TRERF1: variants seen among roughly 807,000 people sequenced by gnomAD.
TRERF1 encodes transcriptional-regulating factor 1.
Under a neutral mutation model 122.9 loss-of-function variants are expected in TRERF1, and 27 were observed. The observed-to-expected ratio is 0.22, with a 90% CI of 0.16 to 0.30. TRERF1 has a LOEUF of 0.30. Ranked by LOEUF, TRERF1 falls within the 10% of genes least tolerant of loss-of-function variation. The pLI is 1.00. For synonymous variants in TRERF1, 636 were observed against 641.7 expected, an observed-to-expected ratio of 0.99 and a Z score of 0.13; for missense variants, 1,248 against 1,560.3, an observed-to-expected ratio of 0.80 and a Z score of 3.37.
exon 18 of TRERF1, chr6:42,226,999 TC>T (rs752837258): frequency 1.3e-4 from 20 of 152,242 alleles, no homozygotes; most frequent in Non-Finnish European, 2.5e-4. Flanking sequence ...GATGGGTCAG[TC>T]TGACTCAGCT....
At chr6:42,317,077 T>C (rs1292704793) in intron 3 of TRERF1, among the ~76,000 whole-genome samples, 1 of 152,074 alleles carries the variant, frequency 6.6e-6, no homozygotes, top group Non-Finnish European at 1.5e-5. Context: ...ACAAGGACCA[T>C]TTTCCACACC....
chr6:42,446,576 G>A (rs1225065245), intron 2 of TRERF1, among the ~76,000 whole-genome samples: 1 of 152,216 alleles, frequency 6.6e-6, no homozygotes, highest in Non-Finnish European at 1.5e-5. Context: ...TGGGTAGAGG[G>A]AGATGATTAT....
At chr6:42,352,562 T>C (rs1383479450) in intron 3 of TRERF1, among the ~76,000 whole-genome samples, 2 of 152,160 alleles carry the variant, frequency 1.3e-5, no homozygotes, top group Non-Finnish European at 2.9e-5. Flanking sequence ...AACATTAAAA[T>C]GTAGAAAATT....
intron 3 of TRERF1, among the ~76,000 whole-genome samples, chr6:42,347,095 C>T (rs1768446100): frequency 6.6e-6 from 1 of 152,176 alleles, no homozygotes; most frequent in South Asian, 2.1e-4. Context: ...GGGAGAGGAC[C>T]CCATGTATCC....
chr6:42,258,309 C>G (rs1465829139), intron 9 of TRERF1, 108 bp from the exon 10 acceptor site: 1 of 915,060 alleles, frequency 1.1e-6, no homozygotes, highest in Non-Finnish European at 1.7e-6. Flanking sequence ...TCTCTCCTAC[C>G]CAGCTCCTGC....
chr6:42,262,908 T>C (rs925850627), intron 8 of TRERF1, among the ~76,000 whole-genome samples: 6 of 152,178 alleles, frequency 3.9e-5, no homozygotes, highest in Admixed American at 1.3e-4. Context: ...CTGGAGATCC[T>C]GGGGAAGGGG....
At chr6:42,389,763 T>C (rs1777402987) in intron 2 of TRERF1, among the ~76,000 whole-genome samples, 1 of 152,162 alleles carries the variant, frequency 6.6e-6, no homozygotes, top group South Asian at 2.1e-4. Context: ...TATTGTGAGC[T>C]CAAACCCACT....
chr6:42,247,235 A>C (rs1774962739), intron 13 of TRERF1, among the ~76,000 whole-genome samples: 1 of 152,218 alleles, frequency 6.6e-6, no homozygotes, highest in Admixed American at 6.5e-5. Context: ...TGGTGAGAGG[A>C]AGCAGGATGT....
chr6:42,233,371 C>T (rs866497804), intron 16 of TRERF1, among the ~76,000 whole-genome samples: 5 of 151,148 alleles, frequency 3.3e-5, no homozygotes, highest in Non-Finnish European at 5.9e-5. Flanking sequence ...CTGCAAGCTC[C>T]GCCTCCCAGG....
At chr6:42,364,211 A>C (rs1772293938) in intron 2 of TRERF1, among the ~76,000 whole-genome samples, 2 of 152,214 alleles carry the variant, frequency 1.3e-5, no homozygotes, top group South Asian at 2.1e-4. Flanking sequence ...CTCCTGCCTC[A>C]GCCCTCCATA....
intron 4 of TRERF1, among the ~76,000 whole-genome samples, chr6:42,285,528 G>C (rs1028118958): frequency 1.3e-5 from 2 of 151,974 alleles, no homozygotes; most frequent in African/African-American, 4.8e-5. Context: ...TGTTGAATAG[G>C]AGTGGTGAGA....
At chr6:42,239,438 A>G (rs975944097) in intron 15 of TRERF1, among the ~76,000 whole-genome samples, 4 of 152,064 alleles carry the variant, frequency 2.6e-5, no homozygotes, top group Admixed American at 6.5e-5. Flanking sequence ...TTCCAGTCAC[A>G]CTGCCCCTGC....
chr6:42,329,888 C>T (rs1028078928), intron 3 of TRERF1, among the ~76,000 whole-genome samples: 1 of 151,946 alleles, frequency 6.6e-6, no homozygotes, highest in Non-Finnish European at 1.5e-5. Flanking sequence ...ACTCCGGAGG[C>T]TGAGGCAGGA....
At chr6:42,335,483 A>G (rs1732463054) in intron 3 of TRERF1, among the ~76,000 whole-genome samples, 1 of 152,208 alleles carries the variant, frequency 6.6e-6, no homozygotes, top group Non-Finnish European at 1.5e-5. Flanking sequence ...CTGAGGCACT[A>G]AAGATTTAAG....
chr6:42,385,519 T>G (rs1776645147), intron 2 of TRERF1, among the ~76,000 whole-genome samples: 1 of 152,138 alleles, frequency 6.6e-6, no homozygotes, highest in Admixed American at 6.5e-5. Flanking sequence ...GCAGGTGCAC[T>G]CACACTTTCG....
intron 3 of TRERF1, among the ~76,000 whole-genome samples, chr6:42,362,044 CA>C (rs1323118058): frequency 6.6e-6 from 1 of 152,176 alleles, no homozygotes; most frequent in Non-Finnish European, 1.5e-5. Flanking sequence ...TCCTTCCAGG[CA>C]CAGTAACAGC....
intron 13 of TRERF1, among the ~76,000 whole-genome samples, chr6:42,249,052 T>C (rs544800053): frequency 3.3e-5 from 5 of 152,124 alleles, no homozygotes; most frequent in Admixed American, 6.5e-5. Flanking sequence ...AGAAAGATAA[T>C]GATGGAAGGA....
intron 2 of TRERF1, among the ~76,000 whole-genome samples, chr6:42,367,310 G>A (rs1309852281): frequency 3.3e-5 from 5 of 152,150 alleles, no homozygotes; most frequent in African/African-American, 9.7e-5. Flanking sequence ...GGTTTGCAAA[G>A]AAGGATGGCA....
chr6:42,331,216 G>A (rs1765182885), intron 3 of TRERF1, among the ~76,000 whole-genome samples: 1 of 152,154 alleles, frequency 6.6e-6, no homozygotes, highest in African/African-American at 2.4e-5. Flanking sequence ...ACAAATTATA[G>A]GGAGACCACA....
Sources: gnomAD v4.1 joint callset for allele counts (sites outside exome capture counted in the v4.1 genomes callset) on GRCh38, gnomAD v4.1.1 for gene constraint, MANE v1.5 for transcripts, NCBI Gene and HGNC (gene_info 2026-07-23, HGNC 2026-07-21) for gene names.